Variants in CRMP1 observed in about 807,000 individuals in gnomAD.
CRMP1 encodes the protein collapsin response mediator protein 1.
In CRMP1, 19 loss-of-function variants were observed where a neutral mutation model predicts 68.3. The ratio of observed to expected loss-of-function variants is 0.28; its 90% confidence interval spans 0.19 to 0.41. CRMP1 has a LOEUF of 0.41. Among genes scored for constraint, CRMP1 ranks in the 10% least tolerant of loss-of-function variants. The probability of loss-of-function intolerance (pLI) is 1.00; values close to 1 mark genes in which losing one functional copy is unlikely to be tolerated. For synonymous variants in CRMP1, 439 were observed against 399.6 expected, an observed-to-expected ratio of 1.10 and a Z score of -1.18; for missense variants, 791 against 967.4, an observed-to-expected ratio of 0.82 and a Z score of 2.42.
rs1417815028 is a variant in CRMP1, at chr4:5,891,183, C to CACACAA, written c.381+1405_381+1406insTTGTGT. ...CCACCACCACACACACATACACACA[C>CACACAA]ACACACACACACACACACACACACA... On this transcript the variant is annotated intron_variant, in intron 1 of 13. Coordinates refer to ENST00000324989, the MANE Select transcript of CRMP1 (RefSeq NM_001014809.3). This position sits in a 1 kb window ranked among gnomAD's most constrained non-coding sequence, Gnocchi z 5.2. Among the ~76,000 whole-genome samples the CACACAA allele has an allele frequency of 7.0e-6, 1 of 143,640 alleles. No homozygotes were observed. Among genetic ancestry groups the CACACAA allele is most frequent in the Middle Eastern group, 3.2e-3 (1 of 310 alleles). 94.2% of individuals were successfully genotyped at this position (143,640 alleles called of 152,430 possible). A position where few individuals can be genotyped will look rare whatever the true frequency, so the allele number is the denominator to read the frequency against.
At chr4:5,873,724 G>A (rs1332832865) in intron 1 of CRMP1, among the ~76,000 whole-genome samples, 1 of 152,182 alleles carries the variant, frequency 6.6e-6, no homozygotes, top group African/African-American at 2.4e-5. Flanking sequence ...TGGGGACAGA[G>A]ATCCAGACCA....
At chr4:5,845,073 G>A (rs1038695647) in intron 6 of CRMP1, among the ~76,000 whole-genome samples, 5 of 152,196 alleles carry the variant, frequency 3.3e-5, no homozygotes, top group Non-Finnish European at 5.9e-5. Context: ...CACACGCCTC[G>A]GATTGAGCAA....
Position 5,843,805 on chromosome 4 carries a change from T to C in CRMP1, c.964-644A>G, listed in dbSNP as rs1711977158. ...TTAATTGGCAGCCGGCTCTCATACC[T>C]ACTTCAGCTGCCTCTTCCTGGCATC... is the stretch of plus-strand genomic sequence containing the variant. On this transcript the variant is annotated intron_variant, in intron 6 of 13. Transcript: ENST00000324989. The surrounding 1 kb of genome is among the most constrained non-coding windows in gnomAD (Gnocchi z 4.1). Among the ~76,000 whole-genome samples, 2 of 152,174 alleles carry C rather than the reference T, an allele frequency of 1.3e-5. No homozygotes were observed. Among genetic ancestry groups the C allele is most frequent in the Non-Finnish European group, 2.9e-5 (2 of 68,022 alleles).
chr4:5,878,382 G>C (rs533172798), intron 1 of CRMP1, among the ~76,000 whole-genome samples: 1 of 152,094 alleles, frequency 6.6e-6, no homozygotes, highest in African/African-American at 2.4e-5. Flanking sequence ...CATACCCCAG[G>C]CCTTGCACCT....
At chr4:5,868,171 T>C (rs1321228243) in intron 1 of CRMP1, among the ~76,000 whole-genome samples, 1 of 150,960 alleles carries the variant, frequency 6.6e-6, no homozygotes, top group Non-Finnish European at 1.5e-5. Context: ...ACCAGAACAT[T>C]ATGGGAACCA....
chr4:5,829,657 A>T (rs867528169), intron 11 of CRMP1, among the ~76,000 whole-genome samples: 19 of 152,326 alleles, frequency 1.2e-4, no homozygotes, highest in African/African-American at 4.3e-4. Context: ...ACATATACAC[A>T]TCTCTACACA....
chr4:5,833,291 C>T (rs894673770), intron 11 of CRMP1, among the ~76,000 whole-genome samples: 1 of 131,298 alleles, frequency 7.6e-6, no homozygotes, highest in Non-Finnish European at 1.6e-5. Context: ...CTCAGCCTCC[C>T]GAGTAGCTGG....
At chr4:5,837,702 A>T (rs537162264) in intron 9 of CRMP1, among the ~76,000 whole-genome samples, 70 of 91,480 alleles carry the variant, frequency 7.7e-4, no homozygotes, top group African/African-American at 3.4e-3. Context: ...TAAAATAAAA[A>T]ATGAATGGAC....
At position 5,888,100 on chromosome 4, in the gene CRMP1, C is replaced by T. The variant is rs1340915373; in HGVS notation, c.381+4489G>A. Reference sequence around the variant, plus strand: ...CTGAAATCCCGAGACCGGCCCCGCCCCACCCGCGGCGACGCAGGAGGCCTC... The same window carrying T: ...CTGAAATCCCGAGACCGGCCCCGCCTCACCCGCGGCGACGCAGGAGGCCTC... On this transcript the variant is annotated intron_variant, in intron 1 of 13. Coordinates refer to ENST00000324989, the MANE Select transcript of CRMP1 (RefSeq NM_001014809.3). The surrounding 1 kb of genome is among the most constrained non-coding windows in gnomAD (Gnocchi z 6.4). 2 of 1,102,640 alleles carry T rather than the reference C, an allele frequency of 1.8e-6. No individual in the cohort carries two copies. Among genetic ancestry groups the T allele is most frequent in the Non-Finnish European group, 2.3e-6 (2 of 874,270 alleles). The allele number at this position is 1,102,640 out of a possible 1,614,324, so 68.3% of individuals were successfully genotyped here.
At chr4:5,886,769 G>T (rs529915239) in intron 1 of CRMP1, among the ~76,000 whole-genome samples, 1 of 152,238 alleles carries the variant, frequency 6.6e-6, no homozygotes, top group Admixed American at 6.5e-5. Flanking sequence ...GCAGGGACTT[G>T]TTCAAATATC....
chr4:5,878,652 A>G lies in CRMP1; in HGVS notation c.382-11896T>C, dbSNP rs543124173. Among the ~76,000 whole-genome samples the G allele has an allele frequency of 2.0e-5, 3 of 152,202 alleles. No homozygotes were observed. The South Asian group carries it at 6.2e-4, about 31-fold the overall frequency. On this transcript the variant is annotated intron_variant, in intron 1 of 13. Transcript: ENST00000324989. The stretch of plus-strand genomic sequence containing the variant: ...ACCTAACGATATGGGTGCAGAGGGC[A>G]GACTACCTAGGCTCTAACGTGGCCC...
intron 11 of CRMP1, among the ~76,000 whole-genome samples, chr4:5,829,845 C>A (rs1720230173): frequency 6.6e-6 from 1 of 152,196 alleles, no homozygotes; most frequent in African/African-American, 2.4e-5. Context: ...CTGAAACAGA[C>A]TTTGCATCCA....
chr4:5,854,176 G>T lies in CRMP1; in HGVS notation c.820+1967C>A, dbSNP rs1451722191. The stretch of plus-strand genomic sequence containing the variant: ...ATTAGGTAAGGAAAGTAAGATACAA[G>T]ACTGTCAATTTCCTTGGATTATGAC... On this transcript the variant is annotated intron_variant, in intron 4 of 13. Coordinates refer to ENST00000324989, the MANE Select transcript of CRMP1 (RefSeq NM_001014809.3). The surrounding 1 kb of genome is among the most constrained non-coding windows in gnomAD (Gnocchi z 4.0). Among the ~76,000 whole-genome samples the T allele has an allele frequency of 6.6e-6, 1 of 152,210 alleles. No homozygotes were observed.
chr4:5,825,365 G>C lies in CRMP1; in HGVS notation c.1969+129C>G, dbSNP rs1050080864. 59 of 1,441,180 alleles carry C rather than the reference G, an allele frequency of 4.1e-5. No individual in the cohort carries two copies. The highest frequency in any genetic ancestry group is 5.1e-5 in the Non-Finnish European group (56 of 1,105,208). The allele number at this position is 1,441,180 out of a possible 1,614,324, so 89.3% of individuals were successfully genotyped here. ...CCACCAGTGAGAGCAGGCTCGGGTG[G>C]GGCACACTCCCTTCCCTGCTTCTTC... is the stretch of plus-strand genomic sequence containing the variant. On this transcript the variant is annotated intron_variant, in intron 13 of 13. Transcript: ENST00000324989. The surrounding 1 kb of genome is among the most constrained non-coding windows in gnomAD (Gnocchi z 4.4).
At chr4:5,837,891 G>A (rs945140602) in intron 9 of CRMP1, among the ~76,000 whole-genome samples, 8 of 152,056 alleles carry the variant, frequency 5.3e-5, no homozygotes, top group African/African-American at 1.4e-4. Flanking sequence ...TTTAAGGAAT[G>A]GGGACTGCAT....
rs1428922320 is a variant in CRMP1 at position 5,865,942 on chromosome 4, T to C, written c.470+726A>G. On this transcript the variant is annotated intron_variant, in intron 2 of 13. Transcript: ENST00000324989. This position sits in a 1 kb window ranked among gnomAD's most constrained non-coding sequence, Gnocchi z 4.1. ...GGTGTCTGCAAGCCAAGGAAGAACC[T>C]CAGGAAGAAGTTCAGGAAGGCCTCA... Among the ~76,000 whole-genome samples, 1 of 151,990 alleles carries C rather than the reference T, an allele frequency of 6.6e-6. No homozygotes were observed. Among genetic ancestry groups the C allele is most frequent in the Non-Finnish European group, 1.5e-5 (1 of 67,984 alleles).
intron 1 of CRMP1, among the ~76,000 whole-genome samples, chr4:5,873,726 TCCAGA>T (rs1714621956): frequency 6.6e-6 from 1 of 152,108 alleles, no homozygotes; most frequent in Non-Finnish European, 1.5e-5. Context: ...GGGACAGAGA[TCCAGA>T]CCATATTCCA....
intron 8 of CRMP1, among the ~76,000 whole-genome samples, chr4:5,840,869 A>T (rs1353505925): frequency 6.6e-6 from 1 of 152,108 alleles, no homozygotes; most frequent in African/African-American, 2.4e-5. Flanking sequence ...AAAACAACAT[A>T]TTTGGGGTCC....
At chr4:5,846,088 G>C (rs999661101) in intron 6 of CRMP1, among the ~76,000 whole-genome samples, 6 of 152,106 alleles carry the variant, frequency 3.9e-5, no homozygotes, top group Non-Finnish European at 8.8e-5. Flanking sequence ...TTGAGGTCGG[G>C]AGTTCAAGAC....
Sources: gnomAD v4.1 joint callset for allele counts (sites outside exome capture counted in the v4.1 genomes callset) on GRCh38, gnomAD v4.1.1 for gene constraint, Gnocchi (gnomAD v3.1) non-coding constraint, MANE v1.5 for transcripts, NCBI Gene and HGNC (gene_info 2026-07-23, HGNC 2026-07-21) for gene names.